The following KIF1A variants were observed in gnomAD, a reference collection of about 807,000 sequenced individuals.
KIF1A encodes kinesin-like protein KIF1A.
In KIF1A, 46 loss-of-function variants were observed where a neutral mutation model predicts 227.3. That is an observed-to-expected ratio of 0.20 (90% CI 0.16 to 0.26). KIF1A has a LOEUF of 0.26. KIF1A is among the 10% of genes least tolerant of loss of function. The pLI is 1.00. For synonymous variants in KIF1A, 1,022 were observed against 1,012.8 expected (o/e 1.01, Z -0.17); for missense variants, 1,683 against 2,485.9 (o/e 0.68, Z 6.87).
rs141243898 is a variant in KIF1A, at chr2:240,730,446, C to T, written c.4008-3506G>A. Among the ~76,000 whole-genome samples, 358 of 152,336 alleles carry T rather than the reference C, an allele frequency of 2.4e-3. 3 individuals are homozygous for T. The highest frequency in any genetic ancestry group is 8.1e-3 in the African/African-American group (336 of 41,572). The stretch of plus-strand genomic sequence containing the variant: ...AGGACCCCCACTCCAGGAGCAGGCA[C>T]GAGGTTGCTCCAGGCCCTGTCCCCT... On this transcript the variant is annotated intron_variant, in intron 38 of 48. Transcript: ENST00000498729.
intron 1 of KIF1A, among the ~76,000 whole-genome samples, chr2:240,808,051 G>A (rs375343898): frequency 1.1e-4 from 17 of 152,148 alleles, no homozygotes; most frequent in African/African-American, 3.9e-4. Context: ...CACACTTAAT[G>A]GTAAAATGAT....
chr2:240,786,222 G>T, intron 6 of KIF1A, 113 bp downstream of exon 6: 1 of 1,065,212 alleles, frequency 9.4e-7, no homozygotes, highest in Non-Finnish European at 1.4e-6. Flanking sequence ...ACACCTCCGC[G>T]GGGGCACAGA....
chr2:240,789,386 T>A lies in KIF1A; in HGVS notation c.107-74A>T. 4 of 1,276,042 alleles carry A rather than the reference T, an allele frequency of 3.1e-6. No individual in the cohort carries two copies. The highest frequency in any genetic ancestry group is 4.6e-6 in the Non-Finnish European group (4 of 874,636). The allele number at this position is 1,276,042 out of a possible 1,614,324, so 79.0% of individuals were successfully genotyped here. A position where few individuals can be genotyped will look rare whatever the true frequency, so the allele number is the denominator to read the frequency against. The stretch of plus-strand genomic sequence containing the variant: ...ACTAGCTGGCATCTACACTCCAAGG[T>A]GGGGAGATGGTCTTAAGAGGCCTCG... On this transcript the variant is annotated intron_variant, in intron 2 of 48. Coordinates refer to ENST00000498729, the MANE Select transcript of KIF1A (RefSeq NM_001244008.2). This position sits in a 1 kb window ranked among gnomAD's most constrained non-coding sequence, Gnocchi z 4.8.
chr2:240,785,067 G>A lies in KIF1A; in HGVS notation c.642C>T (p.Ser214=), dbSNP rs1189876938. Reference sequence around the variant, plus strand: ...TGTTGAAGACGGCGTGGGAGCGACTGCTGGTCTCATTCATGTTGGTGGCCG... The same window carrying A: ...TGTTGAAGACGGCGTGGGAGCGACTACTGGTCTCATTCATGTTGGTGGCCG... ...TVAATNMNET[S]SRSHAVFNII... is the part of the protein sequence containing the mutation. The change falls in exon 7 of 49, where the codon AGC becomes AGT. Residue 214 remains serine (S), a synonymous_variant. Transcript: ENST00000498729. The A allele has an allele frequency of 2.5e-6, 4 of 1,613,296 alleles. No individual in the cohort carries two copies. In the African/African-American group the frequency reaches 5.3e-5, roughly 22 times the overall value.
At position 240,719,951 on chromosome 2, in the gene KIF1A, C is replaced by G. The variant is rs6437368; in HGVS notation, c.4869-25G>C. The G allele has an allele frequency of 2.5e-6, 4 of 1,591,480 alleles. No individual in the cohort carries two copies. In the South Asian group the frequency reaches 4.6e-5, roughly 18 times the overall value. On this transcript the variant is annotated intron_variant, in intron 45 of 48. Transcript: ENST00000498729. ...CCTGGGAAGCAGAGGGAAGTGCTGCCCACTGCAGGCCTCCCTGGGCCTGGG... is the reference window on the plus strand; with the variant it reads ...CCTGGGAAGCAGAGGGAAGTGCTGCGCACTGCAGGCCTCCCTGGGCCTGGG...
Position 240,775,752 on chromosome 2 carries a change from G to C in KIF1A, c.958+99C>G. Reference sequence around the variant, plus strand: ...CCCAGCCTCAGCCCAGAAAGGGTGAGAGGCCTGCTGGCGACTGGGCACCCC... The same window carrying C: ...CCCAGCCTCAGCCCAGAAAGGGTGACAGGCCTGCTGGCGACTGGGCACCCC... On this transcript the variant is annotated intron_variant, in intron 11 of 48. Transcript: ENST00000498729. The surrounding 1 kb of genome is among the most constrained non-coding windows in gnomAD (Gnocchi z 5.5). 1 of 804,244 alleles carries C rather than the reference G, an allele frequency of 1.2e-6. No homozygotes were observed. The highest frequency in any genetic ancestry group is 2.2e-6 in the Non-Finnish European group (1 of 459,730). 49.8% of individuals were successfully genotyped at this position (804,244 alleles called of 1,614,324 possible).
chr2:240,781,956 C>G (rs563535903), intron 10 of KIF1A: 2 of 985,326 alleles, frequency 2.0e-6, no homozygotes, highest in South Asian at 4.7e-5. Flanking sequence ...ACACAGCCAC[C>G]GCCGAGTTCC....
rs892467173 is a variant in KIF1A, at chr2:240,778,098, G to C, written c.883-2172C>G. Reference sequence around the variant, plus strand: ...CGCACTTCCTCGCGTTTCTCCACACGGTTCTTCACGCAGCTCCTCCTGCTT... The same window carrying C: ...CGCACTTCCTCGCGTTTCTCCACACCGTTCTTCACGCAGCTCCTCCTGCTT... On this transcript the variant is annotated intron_variant, in intron 10 of 48. Coordinates refer to ENST00000498729, the MANE Select transcript of KIF1A (RefSeq NM_001244008.2). This position sits in a 1 kb window ranked among gnomAD's most constrained non-coding sequence, Gnocchi z 7.2. Among the ~76,000 whole-genome samples the C allele has an allele frequency of 2.6e-5, 4 of 151,866 alleles. No homozygotes were observed. The highest frequency in any genetic ancestry group is 4.4e-5 in the Non-Finnish European group (3 of 67,958).
At chr2:240,791,596 C>G (rs960693559) in intron 2 of KIF1A, among the ~76,000 whole-genome samples, 1 of 150,330 alleles carries the variant, frequency 6.7e-6, no homozygotes, top group African/African-American at 2.5e-5. Flanking sequence ...CCCACACCCC[C>G]ACTAGCCCTT....
chr2:240,733,213 A>G (rs887617972), intron 38 of KIF1A, among the ~76,000 whole-genome samples: 4 of 152,050 alleles, frequency 2.6e-5, no homozygotes, highest in African/African-American at 9.7e-5. Flanking sequence ...ATGGCACAGC[A>G]ATGCCCAGAA....
intron 38 of KIF1A, among the ~76,000 whole-genome samples, chr2:240,730,611 G>A (rs57617934): frequency 0.21 from 32,557 of 152,176 alleles, 4,290 homozygotes; most frequent in South Asian, 0.48. Context: ...TGGCAGCCAG[G>A]GCTGACCCTC....
chr2:240,802,683 G>A (rs1575661682), intron 1 of KIF1A, among the ~76,000 whole-genome samples: 2 of 152,176 alleles, frequency 1.3e-5, no homozygotes, highest in South Asian at 4.1e-4. Context: ...TGAGACTAGA[G>A]TTCAGTGGCA....
In KIF1A at chr2:240,725,589, C is replaced by T. The variant is rs1332057809; in HGVS notation, c.4123-185G>A. 1 of 626,290 alleles carries T rather than the reference C, an allele frequency of 1.6e-6. No individual in the cohort carries two copies. Among genetic ancestry groups the T allele is most frequent in the Non-Finnish European group, 2.7e-6 (1 of 368,068 alleles). 38.8% of individuals were successfully genotyped at this position (626,290 alleles called of 1,614,324 possible). On this transcript the variant is annotated intron_variant, in intron 39 of 48. Transcript: ENST00000498729. This position sits in a 1 kb window ranked among gnomAD's most constrained non-coding sequence, Gnocchi z 5.8. The stretch of plus-strand genomic sequence containing the variant: ...TGCTCCTGCCCTCGAGAAAACCCCA[C>T]TGGGGACAGGTAGCCACAGCTCTGT...
rs146207117 is a variant in KIF1A at position 240,780,502 on chromosome 2, C to T, written c.882+2088G>A. Reference sequence around the variant, plus strand: ...ACAGTTCCCCACGCAATTCCTCACACGGTTTCTCACATACTTTCCCGTAGC... The same window carrying T: ...ACAGTTCCCCACGCAATTCCTCACATGGTTTCTCACATACTTTCCCGTAGC... On this transcript the variant is annotated intron_variant, in intron 10 of 48. Transcript: ENST00000498729. 3.7e-3 allele frequency among the ~76,000 whole-genome samples: 560 copies of T among 152,212 alleles called. 8 individuals are homozygous for T. Among genetic ancestry groups the T allele is most frequent in the Non-Finnish European group, 4.6e-3 (316 of 68,004 alleles).
At position 240,729,263 on chromosome 2, in the gene KIF1A, A is replaced by T. The variant is rs1215080353; in HGVS notation, c.4008-2323T>A. ...TGGACCCTCTGTCTTCTGCCTCCAA[A>T]GTCCCTAAAGGGCCTCAGCTTGCTT... On this transcript the variant is annotated intron_variant, in intron 38 of 48. Transcript: ENST00000498729. Among the ~76,000 whole-genome samples the T allele has an allele frequency of 4.0e-3, 569 of 141,442 alleles. 2 individuals are homozygous for T. Among genetic ancestry groups the T allele is most frequent in the African/African-American group, 0.017 (555 of 31,746 alleles). 92.8% of individuals were successfully genotyped at this position (141,442 alleles called of 152,430 possible).
chr2:240,776,361 C>T (rs2052726050), intron 10 of KIF1A, among the ~76,000 whole-genome samples: 1 of 152,210 alleles, frequency 6.6e-6, no homozygotes, highest in Non-Finnish European at 1.5e-5. Context: ...CCCTCCAGGC[C>T]CCTATGGCCT....
In KIF1A at chr2:240,778,511, TAC is replaced by T. The variant is rs60462300; in HGVS notation, c.883-2587_883-2586del. Among the ~76,000 whole-genome samples the T allele has an allele frequency of 0.055, 7,388 of 133,936 alleles. 217 individuals are homozygous for T. Among genetic ancestry groups the T allele is most frequent in the African/African-American group, 0.068 (2,224 of 32,924 alleles). The allele number at this position is 133,936 out of a possible 152,430, so 87.9% of individuals were successfully genotyped here. A position where few individuals can be genotyped will look rare whatever the true frequency, so the allele number is the denominator to read the frequency against. ...GGCGCTCGCAGCTCCCGCACAGCGT[TAC>T]ACACACACACACACACACACACACA... On this transcript the variant is annotated intron_variant, in intron 10 of 48. Transcript: ENST00000498729. The surrounding 1 kb of genome is among the most constrained non-coding windows in gnomAD (Gnocchi z 7.2).
intron 14 of KIF1A, among the ~76,000 whole-genome samples, chr2:240,771,712 C>T (rs781590861): frequency 6.6e-5 from 10 of 152,162 alleles, no homozygotes. Flanking sequence ...CCAGGCTGTG[C>T]TAACCTTCAG....
rs2051207969 is a variant in KIF1A, at chr2:240,766,588, C to G, written c.1684+327G>C. 6.6e-6 allele frequency among the ~76,000 whole-genome samples: 1 copy of G among 152,174 alleles called. No homozygotes were observed. On this transcript the variant is annotated intron_variant, in intron 19 of 48. Coordinates refer to ENST00000498729, the MANE Select transcript of KIF1A (RefSeq NM_001244008.2). The surrounding 1 kb of genome is among the most constrained non-coding windows in gnomAD (Gnocchi z 5.0). ...AGCAGCCCACCTGTGCCCCCACCTC[C>G]AGCCCTCAAGGAGGCTCAGCTCCCT...
Sources: allele counts gnomAD v4.1 joint callset (sites outside exome capture counted in the v4.1 genomes callset), GRCh38; gene constraint gnomAD v4.1.1; non-coding constraint Gnocchi (gnomAD v3.1); transcripts MANE v1.5; gene names NCBI Gene and HGNC (gene_info 2026-07-23, HGNC 2026-07-21).